The following RNF4 variants were observed in gnomAD, a reference collection of about 807,000 sequenced individuals.
RNF4 encodes the protein ring finger protein 4, also known as E3 ubiquitin-protein ligase RNF4.
A neutral mutation model predicts 24.3 loss-of-function variants in RNF4; 7 were observed. The ratio of observed to expected loss-of-function variants is 0.29; its 90% CI spans 0.16 to 0.54. The LOEUF (loss-of-function observed/expected upper bound fraction) is 0.54. Ranked by LOEUF, RNF4 falls within the 20% of genes least tolerant of loss-of-function variation. The pLI is 0.95. For missense variants in RNF4, 209 were observed against 248.5 expected (o/e 0.84, Z 1.07); for synonymous variants, 83 against 84.3 (o/e 0.98, Z 0.09).
At chr4:2,499,295 GT>G in intron 3 of RNF4, 1 of 451,092 alleles carries the variant, frequency 2.2e-6, no homozygotes, top group East Asian at 7.2e-5. Flanking sequence ...TGTTGTTGTT[GT>G]TTGTTTGTTT....
intron 3 of RNF4, among the ~76,000 whole-genome samples, chr4:2,499,666 C>T (rs929817691): frequency 3.3e-5 from 5 of 152,062 alleles, no homozygotes; most frequent in Admixed American, 2.6e-4. Context: ...GGAAGTTGTA[C>T]GTTAACTGTT....
intron 1 of RNF4, among the ~76,000 whole-genome samples, chr4:2,473,811 G>GAAAAAA (rs1011929468): frequency 2.7e-5 from 4 of 147,972 alleles, no homozygotes; most frequent in Admixed American, 2.7e-4. Flanking sequence ...ACTCTGTCTA[G>GAAAAAA]AAAAAAAAAA....
intron 1 of RNF4, among the ~76,000 whole-genome samples, chr4:2,481,402 C>T (rs761673916): frequency 3.3e-5 from 5 of 151,990 alleles, no homozygotes; most frequent in Admixed American, 1.3e-4. Context: ...TTAAGGAACA[C>T]ATATGTCCGT....
At chr4:2,483,556 C>T (rs1182642126) in intron 1 of RNF4, among the ~76,000 whole-genome samples, 3 of 152,152 alleles carry the variant, frequency 2.0e-5, no homozygotes, top group Non-Finnish European at 4.4e-5. Context: ...ATAATCCCAG[C>T]ACTTTGGGAA....
intron 1 of RNF4, among the ~76,000 whole-genome samples, chr4:2,488,845 T>G (rs1311504724): frequency 6.6e-6 from 1 of 151,770 alleles, no homozygotes; most frequent in Non-Finnish European, 1.5e-5. Context: ...TGAGATGGAG[T>G]TTTGCTCTCG....
chr4:2,509,367 G>A (rs976584142), intron 4 of RNF4, among the ~76,000 whole-genome samples: 4 of 148,738 alleles, frequency 2.7e-5, no homozygotes, highest in South Asian at 2.2e-4. Flanking sequence ...ACAGCCACGC[G>A]CCACCACACC....
intron 4 of RNF4, among the ~76,000 whole-genome samples, chr4:2,509,281 G>A (rs1655569273): frequency 6.6e-6 from 1 of 151,822 alleles, no homozygotes; most frequent in African/African-American, 2.4e-5. Flanking sequence ...GCAATGGCGT[G>A]ACCTCGGCTC....
Position 2,512,392 on chromosome 4 carries a change from T to G in RNF4, c.215-46T>G. 3 of 1,569,060 alleles carry G rather than the reference T, an allele frequency of 1.9e-6. No individual in the cohort carries two copies. The African/African-American group carries it at 4.1e-5, about 21-fold the overall frequency. On this transcript the variant is annotated intron_variant, in intron 5 of 7. Transcript: ENST00000314289. The surrounding 1 kb of genome is among the most constrained non-coding windows in gnomAD (Gnocchi z 4.1). ...GTCAGGATGGGAGTGGTGAGGATGG[T>G]AAGAGTAGAGAGCCTCCAACCTGAA...
chr4:2,477,964 C>T (rs1352943044), intron 1 of RNF4, among the ~76,000 whole-genome samples: 3 of 152,140 alleles, frequency 2.0e-5, no homozygotes, highest in African/African-American at 7.2e-5. Context: ...TCGCTAGAGA[C>T]TTGTTGAATG....
In RNF4 at chr4:2,511,944, T is replaced by G; in HGVS notation, c.205-12T>G. On this transcript the variant is annotated splice_polypyrimidine_tract_variant and intron_variant, in intron 4 of 7. Transcript: ENST00000314289. ...CTTCTTTCTCTTTTGTTTTTCTCCT[T>G]CTGTTTACAAGATTGTTGACGGTGA... 1 of 1,603,962 alleles carries G rather than the reference T, an allele frequency of 6.2e-7. No homozygotes were observed. Among genetic ancestry groups the G allele is most frequent in the Non-Finnish European group, 8.5e-7 (1 of 1,174,936 alleles).
At chr4:2,491,109 C>T (rs1032044317) in intron 2 of RNF4, among the ~76,000 whole-genome samples, 14 of 152,150 alleles carry the variant, frequency 9.2e-5, no homozygotes, top group African/African-American at 2.9e-4. Flanking sequence ...TCTGTTTTCC[C>T]GTCTGTTTTG....
At chr4:2,507,994 C>T (rs1736151200) in intron 4 of RNF4, among the ~76,000 whole-genome samples, 2 of 152,028 alleles carry the variant, frequency 1.3e-5, no homozygotes, top group Non-Finnish European at 2.9e-5. Flanking sequence ...ACTGGGACTA[C>T]AGGTACACAC....
chr4:2,490,529 T>C (rs767319047), intron 2 of RNF4, 27 bp downstream of exon 2: 6 of 1,607,074 alleles, frequency 3.7e-6, no homozygotes, highest in South Asian at 2.2e-5. Context: ...CTTGAATTTT[T>C]AATTTTGTAG....
chr4:2,504,231 T>C (rs1413417876), intron 4 of RNF4, among the ~76,000 whole-genome samples: 1 of 152,218 alleles, frequency 6.6e-6, no homozygotes, highest in African/African-American at 2.4e-5. Context: ...ATTTTTGGCA[T>C]TGCATAGCCT....
At chr4:2,498,638 GATT>G (rs1172340233) in intron 3 of RNF4, among the ~76,000 whole-genome samples, 5 of 152,168 alleles carry the variant, frequency 3.3e-5, no homozygotes, top group Admixed American at 6.5e-5. Context: ...GTATATGTAA[GATT>G]ATCACGGTTT....
intron 4 of RNF4, among the ~76,000 whole-genome samples, chr4:2,502,184 G>A (rs1268743828): frequency 1.3e-5 from 2 of 152,212 alleles, no homozygotes; most frequent in African/African-American, 4.8e-5. Context: ...AAGCTGGAAA[G>A]TGGTGTCTGC....
At chr4:2,503,801 G>T (rs901673901) in intron 4 of RNF4, among the ~76,000 whole-genome samples, 1 of 152,168 alleles carries the variant, frequency 6.6e-6, no homozygotes, top group East Asian at 1.9e-4. Context: ...TTCTGGAAGC[G>T]GGGTAACCTT....
At chr4:2,499,798 A>G (rs1303726864) in intron 3 of RNF4, among the ~76,000 whole-genome samples, 1 of 152,180 alleles carries the variant, frequency 6.6e-6, no homozygotes, top group East Asian at 1.9e-4. Context: ...TCTAGCTATC[A>G]GTATATATCA....
At chr4:2,479,620 C>T (rs1246399041) in intron 1 of RNF4, among the ~76,000 whole-genome samples, 5 of 152,128 alleles carry the variant, frequency 3.3e-5, no homozygotes, top group Non-Finnish European at 7.3e-5. Context: ...TGCCTTCCAC[C>T]TTGATTGTGA....
Sources: allele counts gnomAD v4.1 joint callset (sites outside exome capture counted in the v4.1 genomes callset), GRCh38; gene constraint gnomAD v4.1.1; non-coding constraint Gnocchi (gnomAD v3.1); transcripts MANE v1.5; gene names NCBI Gene and HGNC (gene_info 2026-07-23, HGNC 2026-07-21).